The following SDK1 variants were observed in gnomAD, a reference collection of about 807,000 sequenced individuals.
The protein encoded by SDK1 is protein sidekick-1.
In SDK1, 157 loss-of-function variants were observed where a neutral mutation model predicts 245.5. The ratio of observed to expected loss-of-function variants is 0.64; its 90% CI spans 0.56 to 0.73. The LOEUF is 0.73. SDK1 is among the 30% of genes least tolerant of loss of function. The pLI is 0.00. For missense variants in SDK1, 3,583 were observed against 3,002.3 expected (o/e 1.19, Z -4.52); for synonymous variants, 1,647 against 1,278.5 (o/e 1.29, Z -6.15).
At chr7:3,808,850 GAAA>G (rs376183876) in intron 4 of SDK1, among the ~76,000 whole-genome samples, 1 of 151,080 alleles carries the variant, frequency 6.6e-6, no homozygotes, top group Non-Finnish European at 1.5e-5. Flanking sequence ...CGTTCAGAAA[GAAA>G]AAAAAATCAT....
At chr7:3,351,734 TA>T (rs1468986430) in intron 1 of SDK1, among the ~76,000 whole-genome samples, 1 of 152,126 alleles carries the variant, frequency 6.6e-6, no homozygotes, top group East Asian at 1.9e-4. Flanking sequence ...TATAGGTACA[TA>T]TTATATAAAG....
intron 1 of SDK1, among the ~76,000 whole-genome samples, chr7:3,319,896 G>GTTTTTTTTTT (rs1779757853): frequency 4.9e-5 from 1 of 20,376 alleles, no homozygotes; most frequent in Non-Finnish European, 1.1e-4. Context: ...TTTTTTTTTT[G>GTTTTTTTTTT]CATTTGCTTT....
intron 35 of SDK1, among the ~76,000 whole-genome samples, chr7:4,194,266 G>C (rs1783417584): frequency 6.8e-6 from 1 of 147,984 alleles, no homozygotes; most frequent in East Asian, 1.9e-4. Flanking sequence ...GCACGTATGT[G>C]TATACATGTA....
At chr7:3,584,880 C>T (rs1020063183) in intron 1 of SDK1, among the ~76,000 whole-genome samples, 24 of 152,152 alleles carry the variant, frequency 1.6e-4, no homozygotes, top group Non-Finnish European at 2.1e-4. Context: ...CCTGCCATCA[C>T]ACCTGGCTAA....
chr7:4,036,343 C>T (rs1032283882), intron 17 of SDK1, among the ~76,000 whole-genome samples: 3 of 152,046 alleles, frequency 2.0e-5, no homozygotes, highest in Non-Finnish European at 4.4e-5. Flanking sequence ...GTTTTGTGAT[C>T]GTGTAAATGG....
At chr7:4,246,605 CA>C (rs1786876633) in intron 44 of SDK1, among the ~76,000 whole-genome samples, 1 of 152,128 alleles carries the variant, frequency 6.6e-6, no homozygotes. Flanking sequence ...CCACCCTGCC[CA>C]GGAAGCTTCT....
chr7:3,457,249 T>A (rs1012739460), intron 1 of SDK1, among the ~76,000 whole-genome samples: 1 of 152,142 alleles, frequency 6.6e-6, no homozygotes, highest in Non-Finnish European at 1.5e-5. Context: ...TTTGCTTTCT[T>A]CCCTTAGGTG....
chr7:3,454,189 ACAGT>A (rs1780604262), intron 1 of SDK1, among the ~76,000 whole-genome samples: 1 of 152,218 alleles, frequency 6.6e-6, no homozygotes, highest in Non-Finnish European at 1.5e-5. Context: ...GAGGCACCAT[ACAGT>A]AAGAATACAT....
At position 4,184,606 on chromosome 7, in the gene SDK1, G is replaced by A. The variant is rs138361247; in HGVS notation, c.5098+6020G>A. Among the ~76,000 whole-genome samples, 11 of 152,310 alleles carry A rather than the reference G, an allele frequency of 7.2e-5. No individual in the cohort carries two copies. The East Asian group carries it at 2.1e-3, about 29-fold the overall frequency. On this transcript the variant is annotated intron_variant, in intron 35 of 44. Transcript: ENST00000404826. ...ATAGATGATCTCTGGGTCCCCTGAAGTTCAAATACGTGATACTTAAATCTG... is the reference window on the plus strand; with the variant it reads ...ATAGATGATCTCTGGGTCCCCTGAAATTCAAATACGTGATACTTAAATCTG...
chr7:4,181,688 C>G (rs1782612263), intron 35 of SDK1, among the ~76,000 whole-genome samples: 1 of 152,218 alleles, frequency 6.6e-6, no homozygotes, highest in South Asian at 2.1e-4. Flanking sequence ...CCACCTGCAC[C>G]CTTTGCAGTC....
intron 1 of SDK1, among the ~76,000 whole-genome samples, chr7:3,383,782 G>T (rs1340229047): frequency 2.6e-5 from 4 of 152,186 alleles, no homozygotes; most frequent in African/African-American, 9.7e-5. Context: ...TTAAATGCCA[G>T]TATCATTTGA....
intron 5 of SDK1, among the ~76,000 whole-genome samples, chr7:3,871,730 A>C (rs1780961989): frequency 6.6e-6 from 1 of 151,998 alleles, no homozygotes; most frequent in African/African-American, 2.4e-5. Flanking sequence ...TGAATGACCA[A>C]CCCTTTCGTG....
chr7:4,152,860 A>T (rs763435436), intron 30 of SDK1, among the ~76,000 whole-genome samples: 6 of 152,222 alleles, frequency 3.9e-5, no homozygotes, highest in Non-Finnish European at 8.8e-5. Context: ...TCCAGGGAAT[A>T]TGGGTCGAGA....
chr7:3,854,477 G>A (rs1780492522), intron 5 of SDK1, among the ~76,000 whole-genome samples: 1 of 152,118 alleles, frequency 6.6e-6, no homozygotes, highest in Non-Finnish European at 1.5e-5. Flanking sequence ...ACTAATTACT[G>A]GTGTTTGTTG....
chr7:3,668,306 G>T (rs1370443338), intron 4 of SDK1, among the ~76,000 whole-genome samples: 1 of 152,116 alleles, frequency 6.6e-6, no homozygotes, highest in Non-Finnish European at 1.5e-5. Flanking sequence ...CTTCCAACAC[G>T]ACTCACTTTC....
intron 5 of SDK1, among the ~76,000 whole-genome samples, chr7:3,941,215 T>G (rs548050765): frequency 6.6e-6 from 1 of 152,222 alleles, no homozygotes; most frequent in South Asian, 2.1e-4. Flanking sequence ...ACCCCCGTCT[T>G]TCTTCCTCCT....
At chr7:3,970,703 T>G (rs1782425027) in intron 11 of SDK1, among the ~76,000 whole-genome samples, 3 of 152,242 alleles carry the variant, frequency 2.0e-5, no homozygotes, top group South Asian at 4.1e-4. Context: ...CAGAACATTT[T>G]CACACACTCT....
rs1017410225 is a variant in SDK1 at position 3,695,481 on chromosome 7, T to C, written c.713+53376T>C. 9.2e-5 allele frequency among the ~76,000 whole-genome samples: 14 copies of C among 152,222 alleles called. 1 individual carries two copies. The highest frequency in any genetic ancestry group is 4.8e-5 in the African/African-American group (2 of 41,462). The stretch of plus-strand genomic sequence containing the variant: ...TTTTTGTTATGGAGTTCCTACTTGA[T>C]AAGCTGCTTTGTAAAGATTTTAAAA... On this transcript the variant is annotated intron_variant, in intron 4 of 44. Coordinates refer to ENST00000404826, the MANE Select transcript of SDK1 (RefSeq NM_152744.4).
intron 22 of SDK1, among the ~76,000 whole-genome samples, chr7:4,097,099 G>A (rs1249323644): frequency 6.6e-6 from 1 of 152,250 alleles, no homozygotes; most frequent in Non-Finnish European, 1.5e-5. Context: ...CAGCACACTG[G>A]TTCCCAGGCT....
Sources: allele counts gnomAD v4.1 joint callset (sites outside exome capture counted in the v4.1 genomes callset), GRCh38; gene constraint gnomAD v4.1.1; transcripts MANE v1.5; gene names NCBI Gene and HGNC (gene_info 2026-07-23, HGNC 2026-07-21).